The following CELA2B variants were observed in gnomAD, a reference collection of about 807,000 sequenced individuals.
CELA2B encodes the protein chymotrypsin like elastase 2B.
CELA2B carries 27 observed loss-of-function variants against 36.5 expected under a neutral mutation model. The ratio of observed to expected loss-of-function variants is 0.74; its 90% CI spans 0.55 to 1.02. The LOEUF (loss-of-function observed/expected upper bound fraction) is 1.02. Among genes scored for constraint, CELA2B ranks in the 50% least tolerant of loss-of-function variants. CELA2B has a pLI of 0.00. For missense variants in CELA2B, 340 were observed against 347.8 expected (o/e 0.98, Z 0.18); for synonymous variants, 143 against 148.5 (o/e 0.96, Z 0.27).
At chr1:15,491,260 G>A (rs763204288) in intron 7 of CELA2B, 35 bp from the exon 8 acceptor site, 2 of 1,613,990 alleles carry the variant, frequency 1.2e-6, no homozygotes, top group South Asian at 1.1e-5. Context: ...GTGGTTACGT[G>A]AACCTGACAA....
At position 15,487,296 on chromosome 1, in the gene CELA2B, T is replaced by C. The variant is rs750938531; in HGVS notation, c.651T>C (p.Gly217=). Residue 217 remains glycine (G), a synonymous_variant, in exon 7 of 8, where the codon GGT becomes GGC. Transcript: ENST00000375910. Reference sequence around the variant, plus strand: ...CTGGCCTTCCTCAGGGAGACTCCGGTGGGCCGCTGAACTGTCAGGCATCTG... The same window carrying C: ...CTGGCCTTCCTCAGGGAGACTCCGGCGGGCCGCTGAACTGTCAGGCATCTG... ...GVICTCNGDS[G]GPLNCQASDG... is the part of the protein sequence containing the mutation. 22 of 1,614,176 alleles carry C rather than the reference T, an allele frequency of 1.4e-5. No individual in the cohort carries two copies. The highest frequency in any genetic ancestry group is 1.9e-5 in the Non-Finnish European group (22 of 1,180,022).
chr1:15,482,455 A>G (rs1309848036), intron 4 of CELA2B, 62 bp downstream of exon 4: 43 of 1,608,172 alleles, frequency 2.7e-5, no homozygotes, highest in Non-Finnish European at 3.6e-5. Flanking sequence ...GGGGTCTCAC[A>G]GAGGCAAAGG....
At chr1:15,489,315 G>A (rs1432456588) in intron 7 of CELA2B, among the ~76,000 whole-genome samples, 1 of 152,142 alleles carries the variant, frequency 6.6e-6, no homozygotes, top group African/African-American at 2.4e-5. Flanking sequence ...ATGGCCAGAT[G>A]GCAGCAGGGA....
In CELA2B at chr1:15,481,179, G is replaced by A; in HGVS notation, c.211G>A (p.Ala71Thr). The part of the protein sequence containing the change: ...SLIANSWVLT[A>T]AHCISSSGIY... ...GATAGCCAACAGCTGGGTCCTGACG[G>A]CTGCCCACTGCATCAGGTAACTGCC... Residue 71 changes from alanine (A) to threonine (T), a missense_variant, in exon 3 of 8, where the codon GCT becomes ACT. By Grantham distance (58) the Ala-to-Thr change is moderately conservative. Transcript: ENST00000375910. The A allele has an allele frequency of 6.2e-7, 1 of 1,614,162 alleles. No homozygotes were observed. The highest frequency in any genetic ancestry group is 1.3e-5 in the African/African-American group (1 of 75,052).
At chr1:15,478,478 G>C (rs1708699574) in intron 2 of CELA2B, among the ~76,000 whole-genome samples, 1 of 151,792 alleles carries the variant, frequency 6.6e-6, no homozygotes, top group African/African-American at 2.4e-5. Flanking sequence ...CCCGACCTCA[G>C]GTAATCCACC....
intron 7 of CELA2B, among the ~76,000 whole-genome samples, chr1:15,488,478 C>A (rs1339392264): frequency 2.0e-5 from 3 of 152,164 alleles, no homozygotes; most frequent in Non-Finnish European, 4.4e-5. Context: ...AGAGGAAACC[C>A]CGTCACAAGA....
At chr1:15,491,181 G>A in intron 7 of CELA2B, 114 bp from the exon 8 acceptor site, 1 of 1,194,318 alleles carries the variant, frequency 8.4e-7, no homozygotes, top group Admixed American at 1.7e-5. Flanking sequence ...TGTAGTGTGG[G>A]CTGCCTGTGA....
chr1:15,491,030 T>A, intron 7 of CELA2B: 1 of 482,398 alleles, frequency 2.1e-6, no homozygotes, highest in Non-Finnish European at 3.8e-6. Context: ...TTTTAGGGGG[T>A]TCGAAGGCCC....
chr1:15,491,392 C>T lies in CELA2B; in HGVS notation c.*80C>T. 1.3e-6 allele frequency: 2 copies of T among 1,518,748 alleles called. No individual in the cohort carries two copies. The highest frequency in any genetic ancestry group is 2.3e-5 in the South Asian group (2 of 88,776). 94.1% of individuals were successfully genotyped at this position (1,518,748 alleles called of 1,614,324 possible). A position where few individuals can be genotyped will look rare whatever the true frequency, so the allele number is the denominator to read the frequency against. ...AATATTATATAAAGTGACAACTATG[C>T]AAATCACATCTTGATGAGGGTTTTA... On this transcript the variant is annotated 3_prime_UTR_variant, in exon 8 of 8. Coordinates refer to ENST00000375910, the MANE Select transcript of CELA2B (RefSeq NM_015849.3).
In CELA2B at chr1:15,478,490, G is replaced by T. The variant is rs150842890; in HGVS notation, c.129+1945G>T. The stretch of plus-strand genomic sequence containing the variant: ...ACTCCCGACCTCAGGTAATCCACCT[G>T]CCTCGGCCTCCCAAAGTGCTGGGAT... On this transcript the variant is annotated intron_variant, in intron 2 of 7. Transcript: ENST00000375910. Among the ~76,000 whole-genome samples, 382 of 151,664 alleles carry T rather than the reference G, an allele frequency of 2.5e-3. 3 individuals are homozygous for T. The highest frequency in any genetic ancestry group is 0.022 in the East Asian group (111 of 5,112).
At chr1:15,478,428 A>C (rs1237414167) in intron 2 of CELA2B, among the ~76,000 whole-genome samples, 1 of 151,822 alleles carries the variant, frequency 6.6e-6, no homozygotes, top group Non-Finnish European at 1.5e-5. Context: ...TTTTTAGTAG[A>C]GACAGGGTTT....
chr1:15,477,044 C>T (rs1173594255), intron 2 of CELA2B, among the ~76,000 whole-genome samples: 1 of 152,148 alleles, frequency 6.6e-6, no homozygotes, highest in Non-Finnish European at 1.5e-5. Context: ...GGGAGAGGTG[C>T]CTCCTCCAGC....
chr1:15,487,403 C>T lies in CELA2B; in HGVS notation c.758C>T (p.Thr253Met). The stretch of plus-strand genomic sequence containing the variant: ...TACTACTACAAGCCCTCCATCTTCA[C>T]GCGGGTCTCCAACTACAACGACTGG... ...CNYYYKPSIF[T>M]RVSNYNDWIN... Residue 253 changes from threonine to methionine, a missense_variant, in exon 7 of 8, where the codon ACG becomes ATG. By Grantham distance (81) the Thr-to-Met change is moderately conservative. Coordinates refer to ENST00000375910, the MANE Select transcript of CELA2B (RefSeq NM_015849.3). The T allele has an allele frequency of 6.2e-7, 1 of 1,614,242 alleles. No homozygotes were observed. The highest frequency in any genetic ancestry group is 1.3e-5 in the African/African-American group (1 of 75,062).
intron 7 of CELA2B, 127 bp from the exon 8 acceptor site, chr1:15,491,168 T>C (rs28451126): frequency 0.014 from 13,615 of 995,284 alleles, 99 homozygotes; most frequent in Non-Finnish European, 0.018. Context: ...AGGCAGGAGC[T>C]ACTGTAGTGT....
At position 15,487,494 on chromosome 1, in the gene CELA2B, G is replaced by T. The variant is rs185990123; in HGVS notation, c.792+57G>T. 141 of 1,597,788 alleles carry T rather than the reference G, an allele frequency of 8.8e-5. 2 individuals carry two copies. In the African/African-American group the frequency reaches 1.7e-3, roughly 20 times the overall value. On this transcript the variant is annotated intron_variant, in intron 7 of 7. Transcript: ENST00000375910. ...CACTGACCTGCTCACCTGGCCTCGG[G>T]AGTGCCATGCCCACCTGGCGACTGA...
intron 6 of CELA2B, among the ~76,000 whole-genome samples, chr1:15,486,273 CA>C (rs2103314976): frequency 6.6e-6 from 1 of 152,196 alleles, no homozygotes; most frequent in East Asian, 1.9e-4. Context: ...TTGAGGTCAG[CA>C]GTTCGAGACC....
intron 5 of CELA2B, among the ~76,000 whole-genome samples, chr1:15,484,431 CA>C (rs1250897776): frequency 6.6e-6 from 1 of 152,122 alleles, no homozygotes; most frequent in East Asian, 1.9e-4. Flanking sequence ...GACATTATGA[CA>C]TTTTTTCCTA....
intron 7 of CELA2B, among the ~76,000 whole-genome samples, chr1:15,488,641 G>A (rs1021860383): frequency 4.6e-5 from 7 of 152,350 alleles, no homozygotes; most frequent in African/African-American, 1.7e-4. Context: ...AGGCACTAGA[G>A]CAAGAGGGAG....
At chr1:15,485,296 G>A (rs113640660) in intron 5 of CELA2B, among the ~76,000 whole-genome samples, 7 of 152,346 alleles carry the variant, frequency 4.6e-5, no homozygotes, top group African/African-American at 1.7e-4. Flanking sequence ...GATGGTGGCT[G>A]TGTCATTGGG....
Sources: gnomAD v4.1 joint callset for allele counts (sites outside exome capture counted in the v4.1 genomes callset) on GRCh38, gnomAD v4.1.1 for gene constraint, MANE v1.5 for transcripts, NCBI Gene and HGNC (gene_info 2026-07-23, HGNC 2026-07-21) for gene names.